TCEA2: variants seen among roughly 807,000 people sequenced by gnomAD.
TCEA2 encodes transcription elongation factor A protein 2.
In TCEA2, 21 loss-of-function variants were observed where a neutral mutation model predicts 40.8. The observed-to-expected ratio is 0.51, with a 90% CI of 0.36 to 0.74. TCEA2 has a LOEUF of 0.74. TCEA2 is among the 30% of genes least tolerant of loss of function. The probability of loss-of-function intolerance (pLI) is 0.00; values close to 1 mark genes in which losing one functional copy is unlikely to be tolerated. For missense variants in TCEA2, 326 were observed against 426.5 expected, an observed-to-expected ratio of 0.76 and a Z score of 2.08; for synonymous variants, 165 against 162.7, an observed-to-expected ratio of 1.01 and a Z score of -0.11.
chr20:64,071,606 C>T (rs2059838555), intron 8 of TCEA2, among the ~76,000 whole-genome samples: 1 of 152,232 alleles, frequency 6.6e-6, no homozygotes, highest in Non-Finnish European at 1.5e-5. Flanking sequence ...CCATTGGGAC[C>T]CTCTTGCCCT....
chr20:64,063,150 C>T, upstream of TCEA2: 5 of 509,264 alleles, frequency 9.8e-6, no homozygotes, highest in South Asian at 8.8e-5. Context: ...TCCTAGGATG[C>T]CGCGCGCGGC....
chr20:64,058,438 C>A (rs2059502778), upstream of TCEA2, among the ~76,000 whole-genome samples: 1 of 152,222 alleles, frequency 6.6e-6, no homozygotes, highest in South Asian at 2.1e-4. This position sits in a 1 kb window ranked among gnomAD's most constrained non-coding sequence, Gnocchi z 6.7. Context: ...TGAGACATGT[C>A]AGGCTCCTCA....
intron 1 of TCEA2, 130 bp downstream of exon 1, chr20:64,063,514 C>G: frequency 1.8e-6 from 2 of 1,114,450 alleles, no homozygotes; most frequent in South Asian, 1.5e-5. Flanking sequence ...CAGAGACTAA[C>G]CGGGACGCAG....
chr20:64,059,676 C>T (rs780809687), upstream of TCEA2, among the ~76,000 whole-genome samples: 8 of 152,170 alleles, frequency 5.3e-5, no homozygotes, highest in Admixed American at 1.3e-4. Context: ...TGCAAGGGGG[C>T]AGTCGTCTTT....
At chr20:64,061,075 G>A (rs1028089651), upstream of TCEA2, among the ~76,000 whole-genome samples, 11 of 138,556 alleles carry the variant, frequency 7.9e-5, no homozygotes, top group African/African-American at 2.6e-4. Flanking sequence ...ACAAGCATGA[G>A]CCACCGCGCC....
intron 9 of TCEA2, 30 bp downstream of exon 9, chr20:64,071,971 C>T (rs1368203862): frequency 3.1e-6 from 5 of 1,613,198 alleles, no homozygotes; most frequent in East Asian, 4.5e-5. Context: ...CTGCCCCTCC[C>T]AGCTCCATTC....
At chr20:64,068,973 C>T (rs1038295712) in intron 4 of TCEA2, among the ~76,000 whole-genome samples, 1 of 152,274 alleles carries the variant, frequency 6.6e-6, no homozygotes, top group African/African-American at 2.4e-5. Flanking sequence ...GCAGCAGCTG[C>T]AGCTGCCCTC....
chr20:64,067,915 G>A, intron 3 of TCEA2, 132 bp from the exon 4 acceptor site: 1 of 657,284 alleles, frequency 1.5e-6, no homozygotes, highest in South Asian at 2.3e-5. Flanking sequence ...CCCTGGCTGG[G>A]TGAGGGGCTG....
intron 8 of TCEA2, among the ~76,000 whole-genome samples, chr20:64,071,142 G>A (rs911837833): frequency 2.6e-5 from 4 of 152,174 alleles, no homozygotes; most frequent in Non-Finnish European, 5.9e-5. Context: ...GAGGTCAGGA[G>A]TTCGAGACCA....
At position 64,066,943 on chromosome 20, in the gene TCEA2, C is replaced by A; in HGVS notation, c.164C>A (p.Ala55Asp). The A allele has an allele frequency of 6.2e-7, 1 of 1,614,056 alleles. No individual in the cohort carries two copies. Among genetic ancestry groups the A allele is most frequent in the Non-Finnish European group, 8.5e-7 (1 of 1,179,974 alleles). Reference protein sequence around the residue: ...QSTRVGMSVNALRKQSSDEEV... With the variant: ...QSTRVGMSVNDLRKQSSDEEV... ...ACCCGAGTCGGGATGTCTGTCAACG[C>A]CCTTCGGAAGCAGAGCTCGGATGAG... is the stretch of plus-strand genomic sequence containing the variant. The change falls in exon 3 of 10, where the codon GCC becomes GAC. Residue 55 changes from alanine (A) to aspartate (D), a missense_variant. Physicochemically the swap from Ala to Asp is moderately radical, Grantham distance 126. Transcript: ENST00000343484.
In TCEA2 at chr20:64,068,093, G is replaced by C; in HGVS notation, c.288G>C (p.Leu96=). The change falls in exon 4 of 10, where the codon CTG becomes CTC. Residue 96 remains leucine, a synonymous_variant. Coordinates refer to ENST00000343484, the MANE Select transcript of TCEA2 (RefSeq NM_003195.6). ...KARERGRGMP[L]PTSSRDASEA... ...GGGAGCGGGGGAGGGGCATGCCTCT[G>C]CCCACGTCCTCGAGGGATGCCTCAG... is the stretch of plus-strand genomic sequence containing the variant. 3 of 1,609,648 alleles carry C rather than the reference G, an allele frequency of 1.9e-6. No individual in the cohort carries two copies. Among genetic ancestry groups the C allele is most frequent in the Non-Finnish European group, 2.5e-6 (3 of 1,178,324 alleles).
chr20:64,066,410 C>T, intron 1 of TCEA2, 66 bp from the exon 2 acceptor site: 4 of 1,563,060 alleles, frequency 2.6e-6, no homozygotes, highest in South Asian at 2.2e-5. Context: ...CTCCAGTAGG[C>T]AGAAGGAGGT....
upstream of TCEA2, among the ~76,000 whole-genome samples, chr20:64,061,660 C>T (rs1475908952): frequency 2.0e-5 from 3 of 152,234 alleles, no homozygotes; most frequent in Admixed American, 2.0e-4. Context: ...ATCCGCCCAC[C>T]TCAGCCTCCC....
upstream of TCEA2, chr20:64,057,128 T>C (rs911082921): frequency 1.3e-5 from 2 of 152,080 alleles, no homozygotes; most frequent in African/African-American, 4.8e-5. Flanking sequence ...CTCCTCACCC[T>C]GTGGCAGCTC....
In TCEA2 at chr20:64,069,300, G is replaced by T. The variant is rs2059769488; in HGVS notation, c.330-61G>T. ...GTGGCACCTGCTGCTTCTAGGACCA[G>T]TGTCTCGCTGGGGTGCCTGCAGCCT... On this transcript the variant is annotated intron_variant, in intron 4 of 9. Transcript: ENST00000343484. The T allele has an allele frequency of 2.7e-6, 4 of 1,509,152 alleles. No individual in the cohort carries two copies. The South Asian group carries it at 3.8e-5, about 14-fold the overall frequency. The allele number at this position is 1,509,152 out of a possible 1,614,324, so 93.5% of individuals were successfully genotyped here.
At chr20:64,055,618 A>G (rs748431190), upstream of TCEA2, among the ~76,000 whole-genome samples, 9 of 152,152 alleles carry the variant, frequency 5.9e-5, no homozygotes, top group Admixed American at 1.3e-4. This position sits in a 1 kb window ranked among gnomAD's most constrained non-coding sequence, Gnocchi z 4.0. Context: ...CAGAGGGAAC[A>G]AGGGGCTGAG....
intron 4 of TCEA2, among the ~76,000 whole-genome samples, chr20:64,068,528 CG>C (rs1157016943): frequency 3.3e-5 from 5 of 152,252 alleles, no homozygotes; most frequent in Admixed American, 1.3e-4. Flanking sequence ...GAACCAAAGG[CG>C]GGGGCCAACT....
chr20:64,062,150 G>A (rs2059579347), upstream of TCEA2, among the ~76,000 whole-genome samples: 1 of 152,206 alleles, frequency 6.6e-6, no homozygotes, highest in Admixed American at 6.5e-5. Flanking sequence ...CCTGCCACCT[G>A]GCCTCATAGT....
At chr20:64,065,720 G>C (rs2059677220) in intron 1 of TCEA2, 1 of 152,592 alleles carries the variant, frequency 6.6e-6, no homozygotes, top group Admixed American at 6.5e-5. Context: ...CAGATCTTGG[G>C]TGGGGAGACA....
Sources: gnomAD v4.1 joint callset for allele counts (sites outside exome capture counted in the v4.1 genomes callset) on GRCh38, gnomAD v4.1.1 for gene constraint, Gnocchi (gnomAD v3.1) non-coding constraint, MANE v1.5 for transcripts, NCBI Gene and HGNC (gene_info 2026-07-23, HGNC 2026-07-21) for gene names.